Variants in SORCS3 observed in about 807,000 individuals in gnomAD.
SORCS3 encodes the protein sortilin related VPS10 domain containing receptor 3.
SORCS3 carries 57 observed loss-of-function variants against 146.3 expected under a neutral mutation model. The observed-to-expected ratio is 0.39, with a 90% CI of 0.31 to 0.49. The LOEUF (loss-of-function observed/expected upper bound fraction) is 0.49. Among genes scored for constraint, SORCS3 ranks in the 20% least tolerant of loss-of-function variants. SORCS3 has a pLI of 0.92. For synonymous variants in SORCS3, 653 were observed against 618.5 expected (o/e 1.06, Z -0.83); for missense variants, 1,341 against 1,575.5 (o/e 0.85, Z 2.52).
At chr10:104,924,325 C>G (rs900320540) in intron 3 of SORCS3, among the ~76,000 whole-genome samples, 1 of 152,188 alleles carries the variant, frequency 6.6e-6, no homozygotes, top group African/African-American at 2.4e-5. Flanking sequence ...AGGCTGGTGA[C>G]AGCTGGAGAA....
chr10:105,139,968 G>A (rs1177185960), intron 8 of SORCS3, among the ~76,000 whole-genome samples: 1 of 152,168 alleles, frequency 6.6e-6, no homozygotes, highest in East Asian at 1.9e-4. Context: ...AATTAAAAAG[G>A]GGTAAATTAA....
intron 1 of SORCS3, among the ~76,000 whole-genome samples, chr10:104,677,069 T>C (rs1462101227): frequency 1.3e-5 from 2 of 152,232 alleles, no homozygotes; most frequent in African/African-American, 2.4e-5. Context: ...CTGCAAATCA[T>C]GGTTATCCAG....
At chr10:105,119,793 C>G (rs1397248206) in intron 7 of SORCS3, among the ~76,000 whole-genome samples, 4 of 152,126 alleles carry the variant, frequency 2.6e-5, no homozygotes, top group African/African-American at 9.7e-5. Flanking sequence ...AATGCCTATA[C>G]CCCCATTGTA....
At chr10:104,892,655 G>A (rs969732834) in intron 2 of SORCS3, among the ~76,000 whole-genome samples, 6 of 152,206 alleles carry the variant, frequency 3.9e-5, no homozygotes, top group African/African-American at 1.4e-4. Context: ...CCCGGGAGGC[G>A]GAGGTTGCAG....
intron 2 of SORCS3, among the ~76,000 whole-genome samples, chr10:104,849,710 G>T (rs942091401): frequency 6.6e-6 from 1 of 152,218 alleles, no homozygotes; most frequent in African/African-American, 2.4e-5. Flanking sequence ...GAATGCAAAA[G>T]TTGTCAATGT....
chr10:105,019,528 T>C (rs983505305), intron 4 of SORCS3, among the ~76,000 whole-genome samples: 11 of 152,186 alleles, frequency 7.2e-5, no homozygotes, highest in Admixed American at 5.9e-4. Flanking sequence ...CTAATATATT[T>C]CCATGATCAA....
chr10:105,192,878 C>T (rs1457930868), intron 14 of SORCS3, among the ~76,000 whole-genome samples: 1 of 152,148 alleles, frequency 6.6e-6, no homozygotes, highest in Non-Finnish European at 1.5e-5. Flanking sequence ...AATGACTAGG[C>T]AGGCGAGAGT....
intron 3 of SORCS3, among the ~76,000 whole-genome samples, chr10:104,927,034 G>A (rs2019155651): frequency 6.6e-6 from 1 of 152,050 alleles, no homozygotes; most frequent in African/African-American, 2.4e-5. Flanking sequence ...GTCACTTAGT[G>A]TACTTTTTAG....
chr10:105,043,149 C>G (rs1041348741), intron 5 of SORCS3, 21 bp downstream of exon 5: 19 of 1,602,408 alleles, frequency 1.2e-5, no homozygotes, highest in Non-Finnish European at 1.6e-5. Context: ...TCCACACACT[C>G]ATTACTTCTT....
chr10:104,835,966 A>C (rs946563206), intron 1 of SORCS3, among the ~76,000 whole-genome samples: 2 of 152,194 alleles, frequency 1.3e-5, no homozygotes, highest in Non-Finnish European at 2.9e-5. Flanking sequence ...CCAACTCCGC[A>C]AACATACCTG....
At position 104,842,808 on chromosome 10, in the gene SORCS3, C is replaced by T. The variant is rs769758204; in HGVS notation, c.644C>T (p.Thr215Met). Residue 215 changes from threonine to methionine, a missense_variant, in exon 2 of 27, where the codon ACG (threonine) becomes ATG (methionine). By Grantham distance (81) the Thr-to-Met change is moderately conservative. Transcript: ENST00000369701. ...GHNSSVILIL[T>M]KLYDFNLGSV... Reference sequence around the variant, plus strand: ...CCCTTGCAGGTCATACTTATCCTGACGAAGCTGTATGACTTCAACCTGGGC... The same window carrying T: ...CCCTTGCAGGTCATACTTATCCTGATGAAGCTGTATGACTTCAACCTGGGC... The T allele has an allele frequency of 9.3e-6, 15 of 1,613,700 alleles. No individual in the cohort carries two copies. The highest frequency in any genetic ancestry group is 3.3e-5 in the South Asian group (3 of 91,072).
At chr10:104,905,597 G>T (rs974454027) in intron 2 of SORCS3, among the ~76,000 whole-genome samples, 1 of 152,190 alleles carries the variant, frequency 6.6e-6, no homozygotes, top group East Asian at 1.9e-4. Flanking sequence ...TAAAAGAGAC[G>T]TCCAAGGTAG....
At chr10:104,863,270 T>C (rs1451449772) in intron 2 of SORCS3, among the ~76,000 whole-genome samples, 1 of 152,200 alleles carries the variant, frequency 6.6e-6, no homozygotes, top group Non-Finnish European at 1.5e-5. Flanking sequence ...AAACTAGGGA[T>C]ATCCCTAGCA....
chr10:104,923,860 G>T (rs777609225), intron 3 of SORCS3, among the ~76,000 whole-genome samples: 1 of 152,192 alleles, frequency 6.6e-6, no homozygotes. Context: ...AAGGCAACAA[G>T]TGTCTATGAT....
At chr10:105,201,297 A>G in intron 16 of SORCS3, 44 bp downstream of exon 16, 1 of 1,582,996 alleles carries the variant, frequency 6.3e-7, no homozygotes. Flanking sequence ...CCAGGTCTTC[A>G]CCTGTCTGTG....
chr10:104,750,565 A>G (rs1415102854), intron 1 of SORCS3, among the ~76,000 whole-genome samples: 3 of 152,220 alleles, frequency 2.0e-5, no homozygotes, highest in Non-Finnish European at 4.4e-5. Context: ...TGGTGAAGAT[A>G]CTGATGGCAA....
intron 14 of SORCS3, 140 bp from the exon 15 acceptor site, chr10:105,199,859 C>T: frequency 1.5e-6 from 1 of 645,510 alleles, no homozygotes; most frequent in Admixed American, 2.4e-5. Context: ...TCCTTAATGG[C>T]CCTCAAGGAA....
chr10:104,751,072 A>G (rs2016977599), intron 1 of SORCS3, among the ~76,000 whole-genome samples: 1 of 152,166 alleles, frequency 6.6e-6, no homozygotes, highest in African/African-American at 2.4e-5. Context: ...CAAGAAAGAG[A>G]GGGCAAAAAA....
intron 7 of SORCS3, among the ~76,000 whole-genome samples, chr10:105,130,080 G>A (rs2056007404): frequency 6.6e-6 from 1 of 152,150 alleles, no homozygotes; most frequent in Non-Finnish European, 1.5e-5. Context: ...TACGTGCTAT[G>A]TGCCAGATGC....
Sources: allele counts gnomAD v4.1 joint callset (sites outside exome capture counted in the v4.1 genomes callset), GRCh38; gene constraint gnomAD v4.1.1; transcripts MANE v1.5; gene names NCBI Gene and HGNC (gene_info 2026-07-23, HGNC 2026-07-21).